Variants in MARCHF4 observed in about 807,000 individuals in gnomAD.
MARCHF4 encodes membrane associated ring-CH-type finger 4, also known as E3 ubiquitin-protein ligase MARCHF4.
In MARCHF4, 14 loss-of-function variants were observed where a neutral mutation model predicts 43.9. The ratio of observed to expected loss-of-function variants is 0.32; its 90% CI spans 0.21 to 0.50. The LOEUF (loss-of-function observed/expected upper bound fraction) is 0.50, where lower values mean the gene tolerates loss of function less well. MARCHF4 is among the 20% of genes least tolerant of loss of function. The pLI is 0.98. For synonymous variants in MARCHF4, 226 were observed against 213.3 expected, an observed-to-expected ratio of 1.06 and a Z score of -0.52; for missense variants, 468 against 536.7, an observed-to-expected ratio of 0.87 and a Z score of 1.27.
chr2:216,300,137 A>C (rs190069591), intron 1 of MARCHF4, among the ~76,000 whole-genome samples: 7 of 152,092 alleles, frequency 4.6e-5, no homozygotes, highest in Non-Finnish European at 1.5e-5. Flanking sequence ...ACCTTGGGCA[A>C]TTCCCTTAGC....
At chr2:216,320,195 T>C (rs1439688737) in intron 1 of MARCHF4, among the ~76,000 whole-genome samples, 3 of 152,228 alleles carry the variant, frequency 2.0e-5, no homozygotes, top group African/African-American at 7.2e-5. Context: ...GTTAAGGTAT[T>C]ACTCCTTCCA....
chr2:216,259,749 T>C, intron 3 of MARCHF4, 70 bp from the exon 4 acceptor site: 1 of 1,453,812 alleles, frequency 6.9e-7, no homozygotes, highest in African/African-American at 1.4e-5. Context: ...GAGACCACAG[T>C]CTCTCTGAAT....
At chr2:216,286,756 C>T (rs375761043) in intron 1 of MARCHF4, among the ~76,000 whole-genome samples, 2 of 152,112 alleles carry the variant, frequency 1.3e-5, no homozygotes, top group African/African-American at 4.8e-5. Context: ...GTGTTTAGGG[C>T]TTCTAAAAAG....
At chr2:216,339,442 G>A (rs561846111) in intron 1 of MARCHF4, among the ~76,000 whole-genome samples, 1 of 152,348 alleles carries the variant, frequency 6.6e-6, no homozygotes, top group South Asian at 2.1e-4. Context: ...CACAGGGAGT[G>A]CAGGTTGCTC....
chr2:216,273,979 A>G (rs1690981981), intron 3 of MARCHF4, among the ~76,000 whole-genome samples: 1 of 152,200 alleles, frequency 6.6e-6, no homozygotes, highest in African/African-American at 2.4e-5. Context: ...CATTCTGGAA[A>G]TTTGATGAAG....
chr2:216,292,719 G>A (rs17822921), intron 1 of MARCHF4, among the ~76,000 whole-genome samples: 5,623 of 152,202 alleles, frequency 0.037, 159 homozygotes, highest in South Asian at 0.092. Context: ...TCTGTGATCC[G>A]GGTTGGTGGA....
At chr2:216,320,607 TTTTCTTTC>T (rs552086212) in intron 1 of MARCHF4, among the ~76,000 whole-genome samples, 12,384 of 111,754 alleles carry the variant, frequency 0.11, 1,223 homozygotes, top group Non-Finnish European at 0.13. Context: ...TATAGCCTCT[TTTTCTTTC>T]TTTCTTTCTT....
intron 1 of MARCHF4, among the ~76,000 whole-genome samples, chr2:216,287,020 G>A (rs918917437): frequency 3.3e-5 from 5 of 152,160 alleles, no homozygotes; most frequent in Non-Finnish European, 5.9e-5. Flanking sequence ...GGCGTCAGAC[G>A]CTGAGCTTCA....
chr2:216,350,268 CTGCCATACCCCCTCACTG>C (rs1692381110), intron 1 of MARCHF4, among the ~76,000 whole-genome samples: 1 of 115,946 alleles, frequency 8.6e-6, no homozygotes, highest in Non-Finnish European at 1.8e-5. Context: ...CCCCCTCACT[CTGCCATACCCCCTCACTG>C]TGCTACACCC....
chr2:216,321,847 C>G (rs927422869), intron 1 of MARCHF4: 2 of 152,122 alleles, frequency 1.3e-5, no homozygotes, highest in Non-Finnish European at 2.9e-5. Context: ...AAAAAGAAGC[C>G]CATTCCTCCA....
At chr2:216,319,558 A>G (rs1044151576) in intron 1 of MARCHF4, among the ~76,000 whole-genome samples, 1 of 152,192 alleles carries the variant, frequency 6.6e-6, no homozygotes, top group Non-Finnish European at 1.5e-5. Flanking sequence ...CCTCATTCTT[A>G]GAGTTTTGCA....
At chr2:216,338,653 T>C (rs1692193327) in intron 1 of MARCHF4, among the ~76,000 whole-genome samples, 1 of 152,114 alleles carries the variant, frequency 6.6e-6, no homozygotes, top group African/African-American at 2.4e-5. Flanking sequence ...CTGCCACCTC[T>C]ATAATTAGTT....
intron 1 of MARCHF4, among the ~76,000 whole-genome samples, chr2:216,334,729 T>A (rs978297875): frequency 6.6e-6 from 1 of 152,192 alleles, no homozygotes; most frequent in Non-Finnish European, 1.5e-5. Context: ...TATAGCTATT[T>A]ATAATAGTAC....
intron 1 of MARCHF4, among the ~76,000 whole-genome samples, chr2:216,300,783 A>C (rs1691481634): frequency 1.3e-5 from 2 of 152,060 alleles, no homozygotes; most frequent in African/African-American, 4.8e-5. Context: ...AATTCATTCC[A>C]ATGGTCTGGA....
chr2:216,293,585 A>C (rs76848295), intron 1 of MARCHF4, among the ~76,000 whole-genome samples: 21,563 of 148,338 alleles, frequency 0.15, 2,019 homozygotes, highest in South Asian at 0.26. Context: ...AAAAAAAAAA[A>C]AACAATGTAA....
At chr2:216,307,574 A>T (rs1691609932) in intron 1 of MARCHF4, among the ~76,000 whole-genome samples, 1 of 152,010 alleles carries the variant, frequency 6.6e-6, no homozygotes, top group South Asian at 2.1e-4. Context: ...CTCCAAAGGT[A>T]TCCTATGAAT....
intron 1 of MARCHF4, among the ~76,000 whole-genome samples, chr2:216,354,827 C>G (rs373952145): frequency 6.6e-5 from 10 of 152,190 alleles, no homozygotes; most frequent in African/African-American, 2.4e-4. Context: ...CATAATTGTG[C>G]CCAAAGCTGT....
intron 1 of MARCHF4, among the ~76,000 whole-genome samples, chr2:216,286,126 T>C (rs534252313): frequency 3.3e-5 from 5 of 152,276 alleles, no homozygotes; most frequent in African/African-American, 1.2e-4. Flanking sequence ...AGTGCCTGGC[T>C]AAGGGACAAG....
chr2:216,294,697 T>C (rs569826885), intron 1 of MARCHF4, among the ~76,000 whole-genome samples: 1 of 152,338 alleles, frequency 6.6e-6, no homozygotes, highest in Admixed American at 6.5e-5. Context: ...TCTGATTCCA[T>C]GAAGACCCTC....
Sources: allele counts gnomAD v4.1 joint callset (sites outside exome capture counted in the v4.1 genomes callset), GRCh38; gene constraint gnomAD v4.1.1; transcripts MANE v1.5; gene names NCBI Gene and HGNC (gene_info 2026-07-23, HGNC 2026-07-21).